SCARA3: variants seen among roughly 807,000 people sequenced by gnomAD.
The protein encoded by SCARA3 is cellular stress response gene protein.
SCARA3 carries 39 observed loss-of-function variants against 47.0 expected under a neutral mutation model. The observed-to-expected ratio is 0.83, with a 90% CI of 0.64 to 1.08. SCARA3 has a LOEUF of 1.08. Ranked by LOEUF, SCARA3 falls within the 50% of genes least tolerant of loss-of-function variation. SCARA3 has a pLI of 0.00. For missense variants in SCARA3, 724 were observed against 792.3 expected (o/e 0.91, Z 1.04); for synonymous variants, 356 against 334.1 (o/e 1.07, Z -0.71).
In SCARA3 at chr8:27,671,641, T is replaced by C. The variant is rs538467602; in HGVS notation, c.*290T>C. On this transcript the variant is annotated 3_prime_UTR_variant, in exon 6 of 6. Coordinates refer to ENST00000301904, the MANE Select transcript of SCARA3 (RefSeq NM_016240.3). Reference sequence around the variant, plus strand: ...GCACACATACACAGGCATACATGCATGCACACACACATGCACGCACACACA... The same window carrying C: ...GCACACATACACAGGCATACATGCACGCACACACACATGCACGCACACACA... 3.4e-5 allele frequency: 38 copies of C among 1,129,314 alleles called. No homozygotes were observed. In the South Asian group the frequency reaches 8.4e-4, roughly 25 times the overall value. 70.0% of individuals were successfully genotyped at this position (1,129,314 alleles called of 1,614,324 possible). A position where few individuals can be genotyped will look rare whatever the true frequency, so the allele number is the denominator to read the frequency against.
the SCARA3 span, among the ~76,000 whole-genome samples, chr8:27,729,437 A>T: frequency 6.6e-6 from 1 of 152,108 alleles, no homozygotes; most frequent in East Asian, 1.9e-4. Context: ...TCTATTCCTC[A>T]TCTCCCAGTG....
At chr8:27,713,557 G>T in the SCARA3 span, among the ~76,000 whole-genome samples, 1 of 152,122 alleles carries the variant, frequency 6.6e-6, no homozygotes. Context: ...TTATCAAATG[G>T]ATTATAATCC....
At chr8:27,694,904 T>G in the SCARA3 span, among the ~76,000 whole-genome samples, 1 of 152,026 alleles carries the variant, frequency 6.6e-6, no homozygotes, top group Non-Finnish European at 1.5e-5. Flanking sequence ...CAAGGCATTG[T>G]GAAGAAGAGA....
chr8:27,691,876 C>T, the SCARA3 span, among the ~76,000 whole-genome samples: 3 of 152,148 alleles, frequency 2.0e-5, no homozygotes, highest in African/African-American at 7.2e-5. Context: ...CCCCTAAGAT[C>T]CAGCAATTCC....
intron 1 of SCARA3, among the ~76,000 whole-genome samples, chr8:27,637,546 C>T (rs1450670442): frequency 3.3e-5 from 5 of 152,142 alleles, no homozygotes; most frequent in Non-Finnish European, 7.3e-5. Context: ...CCCTGAGGCC[C>T]AAGAGCTCTG....
At chr8:27,642,055 T>A (rs1461903918) in intron 1 of SCARA3, among the ~76,000 whole-genome samples, 1 of 152,184 alleles carries the variant, frequency 6.6e-6, no homozygotes, top group Non-Finnish European at 1.5e-5. Context: ...GGCTTATTAT[T>A]TTTTTTGGCA....
At chr8:27,659,615 C>T in intron 5 of SCARA3, 76 bp downstream of exon 5, 2 of 1,338,972 alleles carry the variant, frequency 1.5e-6, no homozygotes, top group Middle Eastern at 1.9e-4. Flanking sequence ...ACAGAAGTAC[C>T]TGGTTTTAGG....
At chr8:27,713,574 A>T in the SCARA3 span, among the ~76,000 whole-genome samples, 9 of 152,036 alleles carry the variant, frequency 5.9e-5, no homozygotes, top group African/African-American at 1.9e-4. Flanking sequence ...ATCCATTGGG[A>T]TCCTTATTTG....
intron 1 of SCARA3, among the ~76,000 whole-genome samples, chr8:27,649,267 G>A (rs1801578531): frequency 6.6e-6 from 1 of 152,238 alleles, no homozygotes; most frequent in Admixed American, 6.5e-5. Flanking sequence ...GCTGGAGGCA[G>A]AGTCTTGGTG....
intron 1 of SCARA3, among the ~76,000 whole-genome samples, chr8:27,641,008 T>A (rs948091486): frequency 6.6e-5 from 10 of 152,196 alleles, no homozygotes; most frequent in Non-Finnish European, 1.2e-4. Flanking sequence ...GCAGTATTTT[T>A]AAAAAATGGT....
the SCARA3 span, among the ~76,000 whole-genome samples, chr8:27,689,792 T>G: frequency 7.2e-5 from 11 of 152,080 alleles, no homozygotes; most frequent in Admixed American, 5.2e-4. Flanking sequence ...AAGACCAGTG[T>G]GGGCCAGAAA....
At chr8:27,647,536 C>T (rs546922036) in intron 1 of SCARA3, among the ~76,000 whole-genome samples, 27 of 152,190 alleles carry the variant, frequency 1.8e-4, no homozygotes, top group African/African-American at 3.6e-4. Context: ...TTCTCTGTGC[C>T]GGCTCTCTGT....
chr8:27,680,195 C>A (rs1332716800), downstream of SCARA3, among the ~76,000 whole-genome samples: 1 of 150,980 alleles, frequency 6.6e-6, no homozygotes, highest in Non-Finnish European at 1.5e-5. Flanking sequence ...AATTTAAACC[C>A]AAAATAAATT....
chr8:27,688,244 T>C, the SCARA3 span, among the ~76,000 whole-genome samples: 10,636 of 152,240 alleles, frequency 0.07, 414 homozygotes, highest in East Asian at 0.21. Flanking sequence ...CTGTGTATGG[T>C]TTGTACTCTA....
In SCARA3 at chr8:27,658,905, C is replaced by T. The variant is rs772686649; in HGVS notation, c.735C>T (p.Thr245=). The T allele has an allele frequency of 6.2e-7, 1 of 1,614,156 alleles. No homozygotes were observed. Among genetic ancestry groups the T allele is most frequent in the East Asian group, 2.2e-5 (1 of 44,868 alleles). ...TCCAGCGGAAGACAGACGAGGAGAC[C>T]CTGACCCTCCAGAAGATTGTCACCG... ...HGIQRKTDEE[T]LTLQKIVTDW... The change falls in exon 5 of 6, where the codon ACC becomes ACT. Residue 245 remains threonine, a synonymous_variant. Transcript: ENST00000301904.
chr8:27,704,475 A>C, the SCARA3 span, among the ~76,000 whole-genome samples: 5 of 152,168 alleles, frequency 3.3e-5, no homozygotes, highest in South Asian at 2.1e-4. Flanking sequence ...TTAAAGAATA[A>C]ATTTAATTTT....
At chr8:27,669,549 G>T (rs533168821) in intron 5 of SCARA3, among the ~76,000 whole-genome samples, 4 of 152,370 alleles carry the variant, frequency 2.6e-5, no homozygotes, top group Admixed American at 6.5e-5. Context: ...CTGAGGCCAG[G>T]CTGCTGCCAC....
At chr8:27,726,770 G>A in the SCARA3 span, among the ~76,000 whole-genome samples, 8 of 152,024 alleles carry the variant, frequency 5.3e-5, no homozygotes, top group African/African-American at 1.9e-4. Flanking sequence ...TGAGCATTGT[G>A]CTTTGACAGT....
chr8:27,717,704 G>A, the SCARA3 span, among the ~76,000 whole-genome samples: 5 of 152,236 alleles, frequency 3.3e-5, no homozygotes, highest in African/African-American at 1.2e-4. Flanking sequence ...ATAATCGCTT[G>A]AACCCGGGAG....
Sources: gnomAD v4.1 joint callset for allele counts (sites outside exome capture counted in the v4.1 genomes callset) on GRCh38, gnomAD v4.1.1 for gene constraint, MANE v1.5 for transcripts, NCBI Gene and HGNC (gene_info 2026-07-23, HGNC 2026-07-21) for gene names.